The following PAGE4 variants were observed in gnomAD, a reference collection of about 807,000 sequenced individuals.
PAGE4 encodes the protein PAGE family member 4.
A neutral mutation model predicts 8.5 loss-of-function variants in PAGE4; 1 was observed. The ratio of observed to expected loss-of-function variants is 0.12; its 90% CI spans 0.04 to 0.56. PAGE4 has a LOEUF of 0.56. Among genes scored for constraint, PAGE4 ranks in the 20% least tolerant of loss-of-function variants. The pLI is 0.91. For synonymous variants in PAGE4, 26 were observed against 26.3 expected (o/e 0.99, Z 0.04); for missense variants, 93 against 82.7 (o/e 1.13, Z -0.49).
In PAGE4 at chrX:49,833,858, C is replaced by T. The variant is rs369691476; in HGVS notation, c.305C>T (p.Pro102Leu). 8.8e-5 allele frequency: 104 copies of T among 1,184,051 alleles called. No individual in the cohort carries two copies. In the African/African-American group the frequency reaches 1.1e-3, roughly 13 times the overall value. ...AKTKEAGDGQ[P>L] ...GTTTATATTTTAGGAGATGGGCAGC[C>T]ATAAGTTAAAAAGAAGACAAGCTGA... Residue 102 changes from proline to leucine, a missense_variant, in exon 5 of 5, where the codon CCA becomes CTA. Pro to Leu is a moderately conservative substitution (Grantham distance 98). Coordinates refer to ENST00000218068, the MANE Select transcript of PAGE4 (RefSeq NM_007003.4).
chrX:49,829,812 G>C (rs575815559), intron 1 of PAGE4: 2 of 111,884 alleles, frequency 1.8e-5, no homozygotes, highest in African/African-American at 3.3e-5. Flanking sequence ...TCCACCGATC[G>C]TTCCTCCATG....
At chrX:49,832,802 T>A in intron 4 of PAGE4, 152 bp downstream of exon 4, 1 of 467,163 alleles carries the variant, frequency 2.1e-6, no homozygotes. Context: ...ATGAATTAGG[T>A]CAAAGCCATG....
chrX:49,832,598 T>C lies in PAGE4; in HGVS notation c.240T>C (p.Asp80=), dbSNP rs1802956. The C allele has an allele frequency of 1.7e-6, 2 of 1,200,340 alleles. No individual in the cohort carries two copies. Among genetic ancestry groups the C allele is most frequent in the East Asian group, 3.0e-5 (1 of 33,701 alleles). ...GGAGTGAGCGTGGAGATGGCTCTGA[T>C]GTAAAAGAGAAGACTCCACCTAATC... is the stretch of plus-strand genomic sequence containing the variant. ...KTRSERGDGS[D]VKEKTPPNPK... is the part of the protein sequence containing the mutation. The change falls in exon 4 of 5, where the codon GAT becomes GAC. Residue 80 remains aspartate (D), a synonymous_variant. Transcript: ENST00000218068.
intron 4 of PAGE4, 68 bp from the exon 5 acceptor site, chrX:49,833,778 G>A: frequency 1.2e-6 from 1 of 809,857 alleles, no homozygotes; most frequent in South Asian, 2.3e-5. Context: ...TGTTCTTTGT[G>A]TGCTTTTAGT....
At chrX:49,832,450 T>G in intron 3 of PAGE4, 75 bp from the exon 4 acceptor site, 1 of 685,186 alleles carries the variant, frequency 1.5e-6, no homozygotes, top group South Asian at 3.0e-5. Context: ...AATACAAGCC[T>G]ACAGAGCTTT....
In PAGE4 at chrX:49,832,635, A is replaced by G. The variant is rs1557156753; in HGVS notation, c.277A>G (p.Lys93Glu). The G allele has an allele frequency of 1.7e-6, 2 of 1,199,032 alleles. No homozygotes were observed. Among genetic ancestry groups the G allele is most frequent in the Non-Finnish European group, 2.2e-6 (2 of 889,293 alleles). ...GACTCCACCTAATCCTAAGCATGCT[A>G]AGACTAAAGAAGCAGGTACGTTATT... Reference protein sequence around the residue: ...EKTPPNPKHAKTKEAGDGQP With the variant: ...EKTPPNPKHAETKEAGDGQP The change falls in exon 4 of 5, where the codon AAG (lysine) becomes GAG (glutamate). Residue 93 changes from lysine (K) to glutamate (E), a missense_variant. Coordinates refer to ENST00000218068, the MANE Select transcript of PAGE4 (RefSeq NM_007003.4).
chrX:49,832,709 A>C, intron 4 of PAGE4, 59 bp downstream of exon 4: 1 of 989,147 alleles, frequency 1.0e-6, no homozygotes. Flanking sequence ...AATATACTTT[A>C]ATAACAAGTC....
At chrX:49,832,675 G>A (rs782598890) in intron 4 of PAGE4, 25 bp downstream of exon 4, 6 of 1,159,239 alleles carry the variant, frequency 5.2e-6, no homozygotes. Flanking sequence ...CGGAATGGAA[G>A]TCATGGGGTT....
chrX:49,831,538 C>A (rs1000627866), intron 3 of PAGE4, among the ~76,000 whole-genome samples: 9 of 111,737 alleles, frequency 8.1e-5, no homozygotes. Flanking sequence ...TTTTAGTTAC[C>A]GTTAAAAGTC....
chrX:49,833,183 G>A (rs1923530319), intron 4 of PAGE4, among the ~76,000 whole-genome samples: 2 of 111,446 alleles, frequency 1.8e-5, no homozygotes, highest in African/African-American at 6.5e-5. Flanking sequence ...TTTTTAACGT[G>A]CATATCTGGC....
rs1557156546 is a variant in PAGE4 at position 49,831,080 on chromosome X, C to T, written c.162C>T (p.Ile54=). 1.5e-5 allele frequency: 17 copies of T among 1,155,023 alleles called. No individual in the cohort carries two copies. Among genetic ancestry groups the T allele is most frequent in the Non-Finnish European group, 2.0e-5 (17 of 854,613 alleles). The change falls in exon 3 of 5, where the codon ATC becomes ATT. Residue 54 remains isoleucine, a synonymous_variant. Coordinates refer to ENST00000218068, the MANE Select transcript of PAGE4 (RefSeq NM_007003.4). ...PGQEREGTPP[I]EERKVEGDCQ... Reference sequence around the variant, plus strand: ...AAGAGAGAGAAGGAACACCTCCGATCGAAGGTGAGAAGGGCATGGAGGAGC... The same window carrying T: ...AAGAGAGAGAAGGAACACCTCCGATTGAAGGTGAGAAGGGCATGGAGGAGC...
Position 49,830,251 on chromosome X carries a change from G to A in PAGE4, c.-30-148G>A, listed in dbSNP as rs781937246. On this transcript the variant is annotated intron_variant, in intron 1 of 4. Coordinates refer to ENST00000218068, the MANE Select transcript of PAGE4 (RefSeq NM_007003.4). ...GGCTGTGGAAGAAACAAAGCAGTTT[G>A]CAGATAGATTTATTTGATGTGATTG... is the stretch of plus-strand genomic sequence containing the variant. The A allele has an allele frequency of 2.0e-4, 76 of 373,084 alleles. 1 individual carries two copies. The South Asian group carries it at 4.7e-3, about 23-fold the overall frequency. The allele number at this position is 373,084 out of a possible 1,213,427, so 30.7% of individuals were successfully genotyped here. A position where few individuals can be genotyped will look rare whatever the true frequency, so the allele number is the denominator to read the frequency against.
intron 2 of PAGE4, 74 bp downstream of exon 2, chrX:49,830,580 A>G (rs1923446386): frequency 7.0e-6 from 5 of 717,487 alleles, no homozygotes; most frequent in African/African-American, 2.1e-5. Context: ...AACATTGTTA[A>G]CCAATATAGA....
Position 49,832,735 on chromosome X carries a change from A to G in PAGE4, c.292+85A>G. The G allele has an allele frequency of 5.7e-6, 5 of 870,364 alleles. No homozygotes were observed. In the South Asian group the frequency reaches 1.2e-4, roughly 22 times the overall value. 71.7% of individuals were successfully genotyped at this position (870,364 alleles called of 1,213,427 possible). On this transcript the variant is annotated intron_variant, in intron 4 of 4. Transcript: ENST00000218068. ...ATAACAAGTCTCGCATACAAATATTATTTGAAAGGTAGTTCAGACACCAAA... is the reference window on the plus strand; with the variant it reads ...ATAACAAGTCTCGCATACAAATATTGTTTGAAAGGTAGTTCAGACACCAAA...
chrX:49,831,693 G>T (rs952314019), intron 3 of PAGE4, among the ~76,000 whole-genome samples: 2 of 111,702 alleles, frequency 1.8e-5, no homozygotes, highest in Non-Finnish European at 3.8e-5. Flanking sequence ...TTCACTGATT[G>T]CTATAACATT....
rs782163029 is a variant in PAGE4, at chrX:49,830,386, C to T, written c.-30-13C>T. 3.2e-6 allele frequency: 3 copies of T among 947,897 alleles called. No homozygotes were observed. Among genetic ancestry groups the T allele is most frequent in the Non-Finnish European group, 4.4e-6 (3 of 677,739 alleles). 78.1% of individuals were successfully genotyped at this position (947,897 alleles called of 1,213,427 possible). A position where few individuals can be genotyped will look rare whatever the true frequency, so the allele number is the denominator to read the frequency against. ...TGGAAAGAGTCAAGTATAATTACTC[C>T]TTTTTATTGCAGTCTTCAGTTCACG... On this transcript the variant is annotated splice_polypyrimidine_tract_variant and intron_variant, in intron 1 of 4. Transcript: ENST00000218068.
At chrX:49,830,161 T>A (rs1923432653) in intron 1 of PAGE4, 1 of 258,152 alleles carries the variant, frequency 3.9e-6, no homozygotes, top group Non-Finnish European at 6.8e-6. Flanking sequence ...GTTATGAAAT[T>A]AAGTCTCTTT....
At chrX:49,833,050 A>C (rs1923525442) in intron 4 of PAGE4, among the ~76,000 whole-genome samples, 1 of 112,157 alleles carries the variant, frequency 8.9e-6, no homozygotes, top group African/African-American at 3.2e-5. Context: ...GAATTTTCCA[A>C]GTTGGTTTGT....
At chrX:49,833,543 C>T (rs1923538895) in intron 4 of PAGE4, among the ~76,000 whole-genome samples, 1 of 112,076 alleles carries the variant, frequency 8.9e-6, no homozygotes, top group Non-Finnish European at 1.9e-5. Flanking sequence ...CAAAACAAAA[C>T]AAAACTGAAA....
Sources: allele counts gnomAD v4.1 joint callset (sites outside exome capture counted in the v4.1 genomes callset), GRCh38; gene constraint gnomAD v4.1.1; transcripts MANE v1.5; gene names NCBI Gene and HGNC (gene_info 2026-07-23, HGNC 2026-07-21).